COBLL1: variants seen among roughly 807,000 people sequenced by gnomAD.
COBLL1 encodes the protein cordon-bleu protein-like 1.
A neutral mutation model predicts 94.8 loss-of-function variants in COBLL1; 50 were observed. That is an observed-to-expected ratio of 0.53 (90% confidence interval 0.42 to 0.67). The LOEUF (loss-of-function observed/expected upper bound fraction) is 0.67, where lower values mean the gene tolerates loss of function less well. COBLL1 is among the 30% of genes least tolerant of loss of function. The pLI is 0.00. For missense variants in COBLL1, 1,362 were observed against 1,348.7 expected (o/e 1.01, Z -0.15); for synonymous variants, 448 against 473.8 (o/e 0.95, Z 0.71).
rs752562082 is a variant in COBLL1, at chr2:164,694,417, A to G, written c.2975T>C (p.Val992Ala). Residue 992 changes from valine (V) to alanine (A), a missense_variant, in exon 12 of 14, where the codon GTA becomes GCA. Coordinates refer to ENST00000652658, the MANE Select transcript of COBLL1 (RefSeq NM_001365672.2). ...ACTGAAAGACTGTGACCTTTTCACT[A>G]CAGCAAGAGCAAACGGTGAAGGACC... ...SSGPSPFALA[V>A]VKRSQSFSKE... 6.2e-7 allele frequency: 1 copy of G among 1,613,962 alleles called. No homozygotes were observed. Among genetic ancestry groups the G allele is most frequent in the South Asian group, 1.1e-5 (1 of 91,076 alleles).
At position 164,686,624 on chromosome 2, in the gene COBLL1, C is replaced by T. The variant is rs10182634; in HGVS notation, c.3301-592G>A. On this transcript the variant is annotated intron_variant, in intron 13 of 13. Transcript: ENST00000652658. ...TTTTTTTTTTTCCTTAGTAAGTAAA[C>T]TCCTAAGTTTCAAAATTCTATGGCA... Among the ~76,000 whole-genome samples, 1,016 of 150,848 alleles carry T rather than the reference C, an allele frequency of 6.7e-3. 8 individuals carry two copies. Among genetic ancestry groups the T allele is most frequent in the African/African-American group, 0.023 (942 of 41,094 alleles).
chr2:164,678,247 A>T (rs144495319), downstream of COBLL1, among the ~76,000 whole-genome samples: 301 of 152,294 alleles, frequency 2.0e-3, 2 homozygotes, highest in South Asian at 0.023. Flanking sequence ...GGTGCAGTAT[A>T]CACATTTTGA....
At chr2:164,700,857 C>G (rs533687226) in intron 9 of COBLL1, 101 bp from the exon 10 acceptor site, 6 of 723,250 alleles carry the variant, frequency 8.3e-6, no homozygotes, top group Non-Finnish European at 1.4e-5. Context: ...ATTAGCTGGA[C>G]TCTTTTAAAT....
chr2:164,688,534 G>A (rs1683426318), intron 13 of COBLL1, among the ~76,000 whole-genome samples: 1 of 152,100 alleles, frequency 6.6e-6, no homozygotes, highest in Non-Finnish European at 1.5e-5. Context: ...ATTTACTGAT[G>A]TGAATATCTA....
intron 2 of COBLL1, among the ~76,000 whole-genome samples, chr2:164,815,878 C>T (rs189737768): frequency 1.3e-5 from 2 of 152,170 alleles, no homozygotes; most frequent in Admixed American, 1.3e-4. Context: ...ACTCAAATTC[C>T]TCCACTGTAC....
At chr2:164,718,145 C>G (rs1191143832) in intron 7 of COBLL1, 1 of 486,934 alleles carries the variant, frequency 2.1e-6, no homozygotes, top group Non-Finnish European at 2.7e-6. Flanking sequence ...ATTGTATATA[C>G]TATACCTGGC....
At chr2:164,729,805 TACTC>T in intron 4 of COBLL1, 105 bp downstream of exon 4, 1 of 915,794 alleles carries the variant, frequency 1.1e-6, no homozygotes, top group Non-Finnish European at 1.7e-6. Flanking sequence ...AAAAACATAA[TACTC>T]ACATTCACAT....
At chr2:164,678,955 G>C (rs1371884961), downstream of COBLL1, among the ~76,000 whole-genome samples, 1 of 152,116 alleles carries the variant, frequency 6.6e-6, no homozygotes, top group Non-Finnish European at 1.5e-5. Context: ...GAATAATGCA[G>C]ACTGTTAATA....
intron 13 of COBLL1, among the ~76,000 whole-genome samples, chr2:164,691,585 G>A (rs1019359559): frequency 2.4e-4 from 37 of 152,202 alleles, no homozygotes; most frequent in Non-Finnish European, 3.5e-4. Flanking sequence ...GTGGATGAAG[G>A]GAACCCAAGG....
In COBLL1 at chr2:164,681,772, T is replaced by TA. The variant is rs1433555188; in HGVS notation, c.*4173dup. The TA allele has an allele frequency of 6.6e-6, 1 of 152,188 alleles. No homozygotes were observed. Among genetic ancestry groups the TA allele is most frequent in the African/African-American group, 2.4e-5 (1 of 41,442 alleles). The allele number at this position is 152,188 out of a possible 1,614,324, so 9.4% of individuals were successfully genotyped here. Reference sequence around the variant, plus strand: ...TCCAAGAAAAGTAATTAGCAAGACTTACAAATGATTTTTTCCAGTTTGTGA... The same window carrying TA: ...TCCAAGAAAAGTAATTAGCAAGACTTAACAAATGATTTTTTCCAGTTTGTGA... On this transcript the variant is annotated 3_prime_UTR_variant, in exon 14 of 14. Transcript: ENST00000652658.
chr2:164,680,046 G>C (rs888981683), downstream of COBLL1: 1 of 151,912 alleles, frequency 6.6e-6, no homozygotes, highest in African/African-American at 2.4e-5. Flanking sequence ...TTTGCTAATA[G>C]TGAGATGCTT....
intron 2 of COBLL1, among the ~76,000 whole-genome samples, chr2:164,793,383 C>G (rs544252992): frequency 2.6e-5 from 4 of 151,450 alleles, no homozygotes; most frequent in African/African-American, 9.7e-5. Flanking sequence ...TACAGCACTA[C>G]CAAAACTGAA....
chr2:164,708,274 A>T (rs771031819), intron 7 of COBLL1, among the ~76,000 whole-genome samples: 7 of 152,184 alleles, frequency 4.6e-5, no homozygotes, highest in Non-Finnish European at 7.3e-5. Context: ...AATGAGTTAA[A>T]GCCTGCCACC....
At chr2:164,801,308 G>A (rs889489706) in intron 2 of COBLL1, among the ~76,000 whole-genome samples, 2 of 150,538 alleles carry the variant, frequency 1.3e-5, no homozygotes, top group South Asian at 2.1e-4. Context: ...GCGTGGTAGC[G>A]GGCGCCTGTA....
intron 2 of COBLL1, among the ~76,000 whole-genome samples, chr2:164,744,591 G>C (rs533714172): frequency 1.4e-4 from 22 of 152,228 alleles, no homozygotes; most frequent in Non-Finnish European, 2.8e-4. Flanking sequence ...GCAGACAGGT[G>C]GGGGGATCCA....
At chr2:164,668,239 C>T (rs946249165) in intron 1 of COBLL1, among the ~76,000 whole-genome samples, 2 of 151,890 alleles carry the variant, frequency 1.3e-5, no homozygotes, top group African/African-American at 4.8e-5. Flanking sequence ...GCTGAGATTA[C>T]ACGTGTGAGC....
At chr2:164,825,039 T>C (rs1685358104) in intron 2 of COBLL1, among the ~76,000 whole-genome samples, 1 of 152,164 alleles carries the variant, frequency 6.6e-6, no homozygotes. Context: ...TAAGCTGCAG[T>C]TTCCTCTTCT....
chr2:164,674,023 T>G (rs989658438), intron 1 of COBLL1, among the ~76,000 whole-genome samples: 7 of 152,188 alleles, frequency 4.6e-5, no homozygotes, highest in African/African-American at 1.7e-4. Context: ...CCTCATTTAG[T>G]CAAGCTAAAA....
chr2:164,785,059 G>A (rs1688891404), intron 2 of COBLL1, among the ~76,000 whole-genome samples: 1 of 152,124 alleles, frequency 6.6e-6, no homozygotes, highest in South Asian at 2.1e-4. Context: ...TGCCATGTGA[G>A]GATGAAGCAA....
Sources: allele counts gnomAD v4.1 joint callset (sites outside exome capture counted in the v4.1 genomes callset), GRCh38; gene constraint gnomAD v4.1.1; transcripts MANE v1.5; gene names NCBI Gene and HGNC (gene_info 2026-07-23, HGNC 2026-07-21).